PCDH11X: variants seen among roughly 807,000 people sequenced by gnomAD.
PCDH11X encodes the protein protocadherin 11 X-linked, also known as protocadherin-11 X-linked.
Under a neutral mutation model 53.3 loss-of-function variants are expected in PCDH11X, and 18 were observed. The observed-to-expected ratio is 0.34, with a 90% CI of 0.23 to 0.50. The LOEUF (loss-of-function observed/expected upper bound fraction) is 0.50, where lower values mean the gene tolerates loss of function less well. Among genes scored for constraint, PCDH11X ranks in the 20% least tolerant of loss-of-function variants. PCDH11X has a pLI of 0.98. For missense variants in PCDH11X, 570 were observed against 1,032.4 expected, an observed-to-expected ratio of 0.55 and a Z score of 6.14; for synonymous variants, 279 against 393.3, an observed-to-expected ratio of 0.71 and a Z score of 3.44.
chrX:91,835,150 G>C (rs1937248353), intron 4 of PCDH11X: 2 of 594,875 alleles, frequency 3.4e-6, no homozygotes, highest in Non-Finnish European at 4.4e-6. Context: ...TTAATTATTT[G>C]TATTCTCTTT....
intron 8 of PCDH11X, among the ~76,000 whole-genome samples, chrX:92,340,087 A>G (rs1428205129): frequency 8.9e-6 from 1 of 111,813 alleles, no homozygotes; most frequent in African/African-American, 3.3e-5. Flanking sequence ...TACAGACCCC[A>G]TACCATCAGG....
rs1939698452 is a variant in PCDH11X, at chrX:91,877,890, A to C, written c.1650A>C (p.Leu550Phe). The C allele has an allele frequency of 8.3e-7, 1 of 1,210,053 alleles. No homozygotes were observed. The highest frequency in any genetic ancestry group is 2.2e-5 in the Admixed American group (1 of 45,752). ...ILAKDNGVPP[L>F]TSNVTVFVSI... ...CAAAAGATAACGGGGTACCACCCTT[A>C]ACCAGCAATGTCACAGTCTTTGTAA... The change falls in exon 6 of 11, where the codon TTA (leucine) becomes TTC (phenylalanine). Residue 550 changes from leucine to phenylalanine, a missense_variant. By Grantham distance (22) the Leu-to-Phe change is conservative (BLOSUM62 0). Around this residue, in one of 6 missense-constraint regions of PCDH11X, gnomAD observed 226 missense variants for 457.5 expected, o/e 0.49. Coordinates refer to ENST00000682573, the MANE Select transcript of PCDH11X (RefSeq NM_032968.5).
chrX:92,172,034 A>G (rs930742007), intron 6 of PCDH11X, among the ~76,000 whole-genome samples: 29 of 106,336 alleles, frequency 2.7e-4, no homozygotes, highest in Non-Finnish European at 5.4e-4. Context: ...TTGCTACTGC[A>G]TAGACATTCA....
chrX:92,343,849 G>A (rs1393948482), intron 8 of PCDH11X, among the ~76,000 whole-genome samples: 1 of 111,191 alleles, frequency 9.0e-6, no homozygotes, highest in Non-Finnish European at 1.9e-5. Flanking sequence ...GTTGAGTCTG[G>A]ACAATGTCTA....
chrX:92,191,196 T>C (rs2066186325), intron 6 of PCDH11X, among the ~76,000 whole-genome samples: 1 of 112,467 alleles, frequency 8.9e-6, no homozygotes, highest in South Asian at 3.6e-4. Context: ...ATTCAATAGA[T>C]AATTGCTCAA....
At chrX:92,216,855 C>T (rs1227000651) in intron 7 of PCDH11X, among the ~76,000 whole-genome samples, 50 of 104,963 alleles carry the variant, frequency 4.8e-4, no homozygotes, top group African/African-American at 1.3e-3. Flanking sequence ...GCGGATCTCT[C>T]GGCAGAAACT....
At chrX:91,836,539 C>T (rs1316140585) in intron 5 of PCDH11X, among the ~76,000 whole-genome samples, 1 of 109,515 alleles carries the variant, frequency 9.1e-6, no homozygotes, top group Non-Finnish European at 1.9e-5. Context: ...CATTTCTGAA[C>T]ATATATAGAT....
At chrX:91,823,813 C>A (rs763451727) in intron 4 of PCDH11X, among the ~76,000 whole-genome samples, 1 of 110,973 alleles carries the variant, frequency 9.0e-6, no homozygotes, top group Non-Finnish European at 1.9e-5. Context: ...TGGCTGGTAC[C>A]GGTTGTTCCT....
chrX:92,033,874 T>A (rs1389328754), intron 6 of PCDH11X, among the ~76,000 whole-genome samples: 6 of 110,597 alleles, frequency 5.4e-5, no homozygotes, highest in Non-Finnish European at 1.1e-4. Flanking sequence ...TTTTTTTTTT[T>A]AAATGTAAGC....
At chrX:91,987,562 T>G (rs2062246353) in intron 6 of PCDH11X, among the ~76,000 whole-genome samples, 2 of 111,727 alleles carry the variant, frequency 1.8e-5, no homozygotes, top group Admixed American at 9.6e-5. Flanking sequence ...AAAGTTTATA[T>G]TTAATTTATA....
chrX:91,920,404 A>T (rs1178591441), intron 6 of PCDH11X, among the ~76,000 whole-genome samples: 3 of 108,551 alleles, frequency 2.8e-5, no homozygotes, highest in Non-Finnish European at 5.7e-5. Flanking sequence ...TAATTCAAAC[A>T]TGCATTTTGC....
intron 4 of PCDH11X, among the ~76,000 whole-genome samples, chrX:91,823,691 T>G (rs1022903835): frequency 9.0e-6 from 1 of 111,429 alleles, no homozygotes. Flanking sequence ...GTTAATAGTA[T>G]TATGTGTGAA....
intron 6 of PCDH11X, among the ~76,000 whole-genome samples, chrX:92,016,132 G>T (rs1223489394): frequency 8.9e-6 from 1 of 112,743 alleles, no homozygotes; most frequent in Non-Finnish European, 1.9e-5. Context: ...TTAGCATTAG[G>T]GATCAACGGT....
At chrX:91,825,423 G>T (rs1469795652) in intron 4 of PCDH11X, among the ~76,000 whole-genome samples, 2 of 111,877 alleles carry the variant, frequency 1.8e-5, no homozygotes, top group African/African-American at 6.5e-5. Flanking sequence ...ATTCGGGTGG[G>T]ATTGACCCGA....
At chrX:91,935,868 G>T (rs1224803926) in intron 6 of PCDH11X, among the ~76,000 whole-genome samples, 1 of 108,729 alleles carries the variant, frequency 9.2e-6, no homozygotes, top group Admixed American at 1.0e-4. Flanking sequence ...ATTGGCAATT[G>T]GTTGAAAGAG....
chrX:92,001,444 GA>G (rs1447274476), intron 6 of PCDH11X, among the ~76,000 whole-genome samples: 1 of 104,499 alleles, frequency 9.6e-6, no homozygotes, highest in African/African-American at 3.4e-5. Context: ...TCTTCCTACA[GA>G]GTTATTTGAG....
At chrX:92,570,015 CAAAAA>C (rs766388753) in intron 10 of PCDH11X, among the ~76,000 whole-genome samples, 3 of 32,059 alleles carry the variant, frequency 9.4e-5, no homozygotes, top group African/African-American at 2.1e-4. Context: ...GACTCAGTCT[CAAAAA>C]AAAAAAAAAA....
chrX:92,351,959 C>T (rs2070062064), intron 8 of PCDH11X, among the ~76,000 whole-genome samples: 1 of 111,920 alleles, frequency 8.9e-6, no homozygotes, highest in South Asian at 3.7e-4. Context: ...CTGTTATTTT[C>T]AAGCAATGGG....
intron 10 of PCDH11X, among the ~76,000 whole-genome samples, chrX:92,568,204 T>A (rs778717930): frequency 9.1e-6 from 1 of 109,859 alleles, no homozygotes; most frequent in Non-Finnish European, 1.9e-5. Flanking sequence ...GGCAGATCAC[T>A]AGGTCAGGAG....
Sources: gnomAD v4.1 joint callset for allele counts (sites outside exome capture counted in the v4.1 genomes callset) on GRCh38, gnomAD v4.1.1 for gene constraint, gnomAD v4.1.1 regional missense constraint, MANE v1.5 for transcripts, NCBI Gene and HGNC (gene_info 2026-07-23, HGNC 2026-07-21) for gene names.